Variants in HK1 observed in about 807,000 individuals in gnomAD.
The protein encoded by HK1 is hexokinase 1, also known as hexokinase-1.
In HK1, 28 loss-of-function variants were observed where a neutral mutation model predicts 91.6. That is an observed-to-expected ratio of 0.31 (90% CI 0.23 to 0.42). HK1 has a LOEUF of 0.42. Ranked by LOEUF, HK1 falls within the 10% of genes least tolerant of loss-of-function variation. The pLI is 1.00. For missense variants in HK1, 770 were observed against 1,219.8 expected (o/e 0.63, Z 5.49); for synonymous variants, 430 against 468.1 (o/e 0.92, Z 1.05).
upstream of HK1, among the ~76,000 whole-genome samples, chr10:69,312,298 A>G (rs1846415082): frequency 1.3e-5 from 2 of 152,210 alleles, no homozygotes; most frequent in South Asian, 4.1e-4. Flanking sequence ...GGGCAGTGGC[A>G]TGAGCTTGGC....
At chr10:69,311,132 A>G (rs1215194103), upstream of HK1, among the ~76,000 whole-genome samples, 1 of 151,988 alleles carries the variant, frequency 6.6e-6, no homozygotes, top group East Asian at 1.9e-4. Context: ...AGCAGGCTTC[A>G]GAGAAAAGAT....
At chr10:69,327,502 AAGTGACAAACAATGCCT>A (rs1847452458) in intron 1 of HK1, among the ~76,000 whole-genome samples, 1 of 152,172 alleles carries the variant, frequency 6.6e-6, no homozygotes. Flanking sequence ...CTAATGTTTC[AAGTGACAAACAATGCCT>A]TGGTGAACTT....
intron 13 of HK1, 68 bp downstream of exon 13, chr10:69,386,486 T>A: frequency 7.6e-7 from 1 of 1,308,834 alleles, no homozygotes; most frequent in Non-Finnish European, 1.1e-6. Context: ...TGTATTTGCC[T>A]GTTGTAAAGA....
chr10:69,357,492 C>G (rs965786072), intron 2 of HK1, among the ~76,000 whole-genome samples: 4 of 152,064 alleles, frequency 2.6e-5, no homozygotes, highest in African/African-American at 9.7e-5. Context: ...GCTCTGTTGC[C>G]CAGGCTGGAG....
intron 1 of HK1, among the ~76,000 whole-genome samples, chr10:69,273,855 CTT>C (rs1347155905): frequency 6.6e-6 from 1 of 151,960 alleles, no homozygotes; most frequent in African/African-American, 2.4e-5. Context: ...TCTAACTTTT[CTT>C]TTATTTTTCT....
chr10:69,378,752 C>G (rs954075160), intron 8 of HK1, among the ~76,000 whole-genome samples: 21 of 152,152 alleles, frequency 1.4e-4, no homozygotes, highest in African/African-American at 4.6e-4. Flanking sequence ...AAAATCTCTT[C>G]TCCCATCATA....
At chr10:69,377,883 C>T (rs1338484114) in intron 8 of HK1, among the ~76,000 whole-genome samples, 1 of 152,214 alleles carries the variant, frequency 6.6e-6, no homozygotes, top group African/African-American at 2.4e-5. Flanking sequence ...ACAGATGAGA[C>T]AGGACAGTTA....
chr10:69,278,051 G>T (rs1204621885), intron 1 of HK1, among the ~76,000 whole-genome samples: 3 of 151,010 alleles, frequency 2.0e-5, no homozygotes, highest in Non-Finnish European at 3.0e-5. Flanking sequence ...AAAAAGGTTT[G>T]TTTTATAGTG....
intron 2 of HK1, among the ~76,000 whole-genome samples, chr10:69,357,695 C>G (rs1464705349): frequency 6.6e-6 from 1 of 152,124 alleles, no homozygotes; most frequent in Admixed American, 6.6e-5. Flanking sequence ...TCAAGCGATC[C>G]ACCTGCCTCA....
At chr10:69,301,680 G>A (rs961197125) in intron 5 of HK1, among the ~76,000 whole-genome samples, 1 of 151,650 alleles carries the variant, frequency 6.6e-6, no homozygotes, top group Non-Finnish European at 1.5e-5. Flanking sequence ...CTTTTACTCT[G>A]AAAACTACAA....
At chr10:69,310,276 C>A (rs1846306559) in intron 5 of HK1, among the ~76,000 whole-genome samples, 1 of 151,574 alleles carries the variant, frequency 6.6e-6, no homozygotes, top group Non-Finnish European at 1.5e-5. Flanking sequence ...CAAAAATTAG[C>A]CGGGTGTGGT....
intron 11 of HK1, 140 bp downstream of exon 11, chr10:69,384,621 C>T (rs1358168316): frequency 7.1e-7 from 1 of 1,417,362 alleles, no homozygotes; most frequent in African/African-American, 1.4e-5. Flanking sequence ...TGCTTTTTGC[C>T]ATGCCTGGCT....
chr10:69,332,541 G>A (rs562404746), intron 1 of HK1, among the ~76,000 whole-genome samples: 72 of 151,986 alleles, frequency 4.7e-4, no homozygotes, highest in Non-Finnish European at 6.6e-4. Flanking sequence ...ACCACACCCA[G>A]CTAACTTTTT....
intron 3 of HK1, among the ~76,000 whole-genome samples, chr10:69,289,202 G>A (rs947185694): frequency 4.6e-5 from 7 of 152,272 alleles, no homozygotes; most frequent in East Asian, 3.9e-4. Flanking sequence ...GCAGGAAAGC[G>A]TCATGAGGCA....
At chr10:69,326,114 G>A (rs1157038950) in intron 1 of HK1, among the ~76,000 whole-genome samples, 4 of 150,316 alleles carry the variant, frequency 2.7e-5, no homozygotes, top group African/African-American at 4.9e-5. Context: ...GATTACAGAC[G>A]TGAGCCACCG....
In HK1 at chr10:69,359,815, C is replaced by T. The variant is rs369421672; in HGVS notation, c.227-82C>T. On this transcript the variant is annotated intron_variant, in intron 2 of 17. Coordinates refer to ENST00000359426, the MANE Select transcript of HK1 (RefSeq NM_000188.3). ...GGCAGGGGGAGGCAGACAGGGCCTA[C>T]GCCCTGCCAGGAAGCGGGCATGGTA... 1,303 of 1,351,650 alleles carry T rather than the reference C, an allele frequency of 9.6e-4. 15 individuals carry two copies. In the South Asian group the frequency reaches 0.013, roughly 14 times the overall value. The allele number at this position is 1,351,650 out of a possible 1,614,324, so 83.7% of individuals were successfully genotyped here. A position where few individuals can be genotyped will look rare whatever the true frequency, so the allele number is the denominator to read the frequency against.
chr10:69,372,971 G>A (rs1850094386), intron 7 of HK1, among the ~76,000 whole-genome samples: 2 of 152,078 alleles, frequency 1.3e-5, no homozygotes, highest in Middle Eastern at 3.2e-3. Context: ...CAGGTTCTAC[G>A]TGATTCTCCT....
chr10:69,315,878 C>A (rs1429401350), upstream of HK1: 4 of 1,448,586 alleles, frequency 2.8e-6, no homozygotes, highest in Middle Eastern at 7.0e-4. Context: ...CTACCACAAC[C>A]TGACACTGGG....
At chr10:69,372,738 C>A (rs939847725) in intron 7 of HK1, among the ~76,000 whole-genome samples, 1 of 152,108 alleles carries the variant, frequency 6.6e-6, no homozygotes, top group Non-Finnish European at 1.5e-5. Flanking sequence ...AGTTACATAG[C>A]GGTCTTTTAA....
Sources: gnomAD v4.1 joint callset for allele counts (sites outside exome capture counted in the v4.1 genomes callset) on GRCh38, gnomAD v4.1.1 for gene constraint, MANE v1.5 for transcripts, NCBI Gene and HGNC (gene_info 2026-07-23, HGNC 2026-07-21) for gene names.